MEGF10: variants seen among roughly 807,000 people sequenced by gnomAD.
The protein encoded by MEGF10 is multiple EGF like domains 10, also known as multiple epidermal growth factor-like domains protein 10.
MEGF10 carries 86 observed loss-of-function variants against 147.5 expected under a neutral mutation model. That is an observed-to-expected ratio of 0.58 (90% confidence interval 0.49 to 0.70). The LOEUF (loss-of-function observed/expected upper bound fraction) is 0.70, where lower values mean the gene tolerates loss of function less well. Among genes scored for constraint, MEGF10 ranks in the 30% least tolerant of loss-of-function variants. The pLI, the probability that MEGF10 is intolerant of heterozygous loss-of-function variation, is 0.00. For missense variants in MEGF10, 1,329 were observed against 1,487.3 expected (o/e 0.89, Z 1.75); for synonymous variants, 478 against 525.5 (o/e 0.91, Z 1.24).
intron 14 of MEGF10, 136 bp downstream of exon 14, chr5:127,433,645 A>G: frequency 9.3e-7 from 1 of 1,071,448 alleles, no homozygotes; most frequent in Non-Finnish European, 1.3e-6. Flanking sequence ...GTAATGGTTC[A>G]CTTGTCCTTT....
chr5:127,377,328 A>G (rs1048037344), intron 5 of MEGF10, among the ~76,000 whole-genome samples: 8 of 152,234 alleles, frequency 5.3e-5, no homozygotes, highest in African/African-American at 1.4e-4. Flanking sequence ...ACCTACAGCT[A>G]TAGGGCACAA....
chr5:127,300,338 T>G (rs1464333727), intron 1 of MEGF10, among the ~76,000 whole-genome samples: 2 of 152,238 alleles, frequency 1.3e-5, no homozygotes, highest in African/African-American at 4.8e-5. Flanking sequence ...AAGTTCTGTG[T>G]AGGTACAGCA....
intron 4 of MEGF10, among the ~76,000 whole-genome samples, chr5:127,363,553 A>G (rs768832445): frequency 1.3e-5 from 2 of 152,186 alleles, no homozygotes; most frequent in Non-Finnish European, 2.9e-5. Flanking sequence ...AGGCATTTCA[A>G]TCTAGAAAGA....
upstream of MEGF10, among the ~76,000 whole-genome samples, chr5:127,289,407 C>A (rs1391675481): frequency 6.6e-6 from 1 of 152,210 alleles, no homozygotes; most frequent in Non-Finnish European, 1.5e-5. Flanking sequence ...AAAGTTCCAA[C>A]TCCTGGCAGA....
intron 9 of MEGF10, among the ~76,000 whole-genome samples, chr5:127,410,882 G>A (rs867910925): frequency 1.7e-4 from 26 of 152,330 alleles, no homozygotes; most frequent in Middle Eastern, 3.4e-3. Flanking sequence ...GAGGTTAGTA[G>A]AACTTTCCCT....
intron 5 of MEGF10, among the ~76,000 whole-genome samples, chr5:127,386,478 T>C (rs1222649061): frequency 1.3e-5 from 2 of 152,208 alleles, no homozygotes; most frequent in Non-Finnish European, 2.9e-5. Flanking sequence ...TATACAAGCC[T>C]ACACTTCTGG....
chr5:127,236,907 C>A, the MEGF10 span, among the ~76,000 whole-genome samples: 1 of 152,188 alleles, frequency 6.6e-6, no homozygotes, highest in Non-Finnish European at 1.5e-5. Context: ...TGAGAGAATC[C>A]TTTCTTTCTT....
intron 1 of MEGF10, 58 bp from the exon 2 acceptor site, chr5:127,331,233 A>T: frequency 1.1e-6 from 1 of 908,178 alleles, no homozygotes; most frequent in Non-Finnish European, 1.8e-6. Context: ...TGTACTGAAA[A>T]GAATTCTGTG....
At chr5:127,248,328 T>C in the MEGF10 span, among the ~76,000 whole-genome samples, 1 of 151,932 alleles carries the variant, frequency 6.6e-6, no homozygotes, top group African/African-American at 2.4e-5. Flanking sequence ...TTATGTGCAA[T>C]AGAAAATTAC....
chr5:127,419,487 A>G (rs1169724184), intron 11 of MEGF10, among the ~76,000 whole-genome samples: 1 of 152,184 alleles, frequency 6.6e-6, no homozygotes, highest in Admixed American at 6.5e-5. Flanking sequence ...TTTTGGGAAG[A>G]GTAAACAAGC....
At chr5:127,428,504 G>GCTACA (rs756625263) in intron 13 of MEGF10, among the ~76,000 whole-genome samples, 48 of 152,126 alleles carry the variant, frequency 3.2e-4, no homozygotes, top group African/African-American at 6.5e-4. Flanking sequence ...ACTACACTAC[G>GCTACA]CTACACTACA....
intron 8 of MEGF10, among the ~76,000 whole-genome samples, chr5:127,406,776 T>C (rs574035647): frequency 9.2e-5 from 14 of 152,296 alleles, no homozygotes; most frequent in Admixed American, 3.9e-4. Context: ...GGTGAGTAAA[T>C]GTAACATGAC....
intron 5 of MEGF10, among the ~76,000 whole-genome samples, chr5:127,383,258 G>A (rs1264898226): frequency 6.6e-6 from 1 of 152,096 alleles, no homozygotes; most frequent in Non-Finnish European, 1.5e-5. Flanking sequence ...TTACATAGCA[G>A]TTTATAGTAT....
intron 4 of MEGF10, among the ~76,000 whole-genome samples, chr5:127,360,086 A>G (rs1346845279): frequency 1.3e-5 from 2 of 152,070 alleles, no homozygotes; most frequent in African/African-American, 4.8e-5. Context: ...GATAATGTGT[A>G]TATTGTGCTG....
At chr5:127,376,026 A>T (rs1356736790) in intron 5 of MEGF10, among the ~76,000 whole-genome samples, 1 of 152,202 alleles carries the variant, frequency 6.6e-6, no homozygotes, top group African/African-American at 2.4e-5. Flanking sequence ...CTGCCTCTGT[A>T]GAAGAAGTAG....
At chr5:127,296,579 G>A (rs901509949) in intron 1 of MEGF10, among the ~76,000 whole-genome samples, 1 of 152,176 alleles carries the variant, frequency 6.6e-6, no homozygotes, top group Non-Finnish European at 1.5e-5. Context: ...TGTCATTAAT[G>A]TCTCATCTGA....
the MEGF10 span, among the ~76,000 whole-genome samples, chr5:127,245,095 GA>G: frequency 1.9e-4 from 29 of 152,032 alleles, no homozygotes; most frequent in African/African-American, 6.8e-4. Context: ...CACAGAATTA[GA>G]AAAAAACTAT....
chr5:127,245,623 T>G, the MEGF10 span, among the ~76,000 whole-genome samples: 2 of 152,064 alleles, frequency 1.3e-5, no homozygotes, highest in Non-Finnish European at 2.9e-5. Flanking sequence ...CTAATTAAAC[T>G]AAAGAGCTTC....
At chr5:127,435,663 C>A (rs1580867926) in intron 16 of MEGF10, among the ~76,000 whole-genome samples, 174 bp downstream of exon 16, 2 of 151,314 alleles carry the variant, frequency 1.3e-5, no homozygotes. Context: ...CCCATTACGA[C>A]CTCTATGCAA....
Sources: allele counts gnomAD v4.1 joint callset (sites outside exome capture counted in the v4.1 genomes callset), GRCh38; gene constraint gnomAD v4.1.1; transcripts MANE v1.5; gene names NCBI Gene and HGNC (gene_info 2026-07-23, HGNC 2026-07-21).